RBL1: variants seen among roughly 807,000 people sequenced by gnomAD.
RBL1 encodes the protein RB transcriptional corepressor like 1.
RBL1 carries 82 observed loss-of-function variants against 123.0 expected under a neutral mutation model. The ratio of observed to expected loss-of-function variants is 0.67; its 90% CI spans 0.56 to 0.80. The LOEUF is 0.80. Among genes scored for constraint, RBL1 ranks in the 30% least tolerant of loss-of-function variants. The pLI is 0.00. For synonymous variants in RBL1, 405 were observed against 441.3 expected (o/e 0.92, Z 1.03); for missense variants, 1,171 against 1,299.6 (o/e 0.90, Z 1.52).
At chr20:37,007,601 TTA>T (rs771173537) in intron 19 of RBL1, 42 bp from the exon 20 acceptor site, 161 of 1,596,454 alleles carry the variant, frequency 1.0e-4, no homozygotes, top group Admixed American at 2.4e-4. Flanking sequence ...AGCATACTTT[TTA>T]TTTTTTTGAG....
Position 36,997,297 on chromosome 20 carries a change from C to T in RBL1, c.*1462G>A, listed in dbSNP as rs1475691969. 1.3e-5 allele frequency: 2 copies of T among 151,986 alleles called. No individual in the cohort carries two copies. The highest frequency in any genetic ancestry group is 2.9e-5 in the Non-Finnish European group (2 of 68,038). The allele number at this position is 151,986 out of a possible 1,614,324, so 9.4% of individuals were successfully genotyped here. A position where few individuals can be genotyped will look rare whatever the true frequency, so the allele number is the denominator to read the frequency against. Reference sequence around the variant, plus strand: ...AAAAAGCATCCCTAGTACTGAAAAACATCTTCAGGAGTACTCAGTACTCCC... The same window carrying T: ...AAAAAGCATCCCTAGTACTGAAAAATATCTTCAGGAGTACTCAGTACTCCC... On this transcript the variant is annotated 3_prime_UTR_variant, in exon 22 of 22. Transcript: ENST00000373664.
At chr20:37,022,884 TTA>T in intron 16 of RBL1, 58 bp from the exon 17 acceptor site, 3 of 1,378,948 alleles carry the variant, frequency 2.2e-6, no homozygotes, top group Non-Finnish European at 3.0e-6. Flanking sequence ...TCTCAAATTT[TTA>T]TGTCTTACCA....
At chr20:37,008,965 T>C (rs1178573962) in intron 19 of RBL1, among the ~76,000 whole-genome samples, 1 of 152,118 alleles carries the variant, frequency 6.6e-6, no homozygotes, top group Non-Finnish European at 1.5e-5. Flanking sequence ...AAAATAACTC[T>C]CATGTTCACT....
intron 16 of RBL1, among the ~76,000 whole-genome samples, chr20:37,028,038 A>C (rs1401510202): frequency 2.6e-5 from 4 of 152,164 alleles, no homozygotes; most frequent in Non-Finnish European, 2.9e-5. Flanking sequence ...TACAGGCATA[A>C]GCCACCATGC....
chr20:37,033,015 ATTC>A (rs2064539579), intron 15 of RBL1, 139 bp from the exon 16 acceptor site: 2 of 1,174,014 alleles, frequency 1.7e-6, no homozygotes, highest in Non-Finnish European at 2.2e-6. Flanking sequence ...TTATGACTGA[ATTC>A]TTTTTTTTTT....
At chr20:37,093,855 G>T (rs546607469) in intron 1 of RBL1, among the ~76,000 whole-genome samples, 7 of 152,080 alleles carry the variant, frequency 4.6e-5, no homozygotes, top group Admixed American at 1.3e-4. Context: ...TGGCCAGGCT[G>T]GTCTTGGACC....
chr20:37,067,310 A>G lies in RBL1; in HGVS notation c.492-13T>C, dbSNP rs776146445. On this transcript the variant is annotated splice_polypyrimidine_tract_variant and intron_variant, in intron 3 of 21. Transcript: ENST00000373664. ...GCAAGGAATCCTCCTAAAAAGGGAA[A>G]AAAATTACTTTTTGTCTGACTAGCT... The G allele has an allele frequency of 6.3e-7, 1 of 1,579,104 alleles. No homozygotes were observed. Among genetic ancestry groups the G allele is most frequent in the African/African-American group, 1.4e-5 (1 of 73,190 alleles).
intron 21 of RBL1, among the ~76,000 whole-genome samples, chr20:36,999,181 T>TC (rs1030526803): frequency 6.6e-6 from 1 of 151,874 alleles, no homozygotes; most frequent in Admixed American, 6.6e-5. Context: ...CCAAGATGGT[T>TC]CAATCACTTG....
chr20:37,007,845 C>A (rs541604062), intron 19 of RBL1, among the ~76,000 whole-genome samples: 66 of 152,176 alleles, frequency 4.3e-4, no homozygotes, highest in African/African-American at 1.5e-3. Context: ...CCAGCCTCAG[C>A]CTCTCAAAGT....
chr20:37,040,063 A>T (rs2064694623), intron 14 of RBL1, 90 bp downstream of exon 14: 2 of 1,551,086 alleles, frequency 1.3e-6, no homozygotes, highest in Non-Finnish European at 1.8e-6. Context: ...AGATTTCTTA[A>T]TAACATACTC....
Position 37,044,174 on chromosome 20 carries a change from T to G in RBL1, c.1682A>C (p.Gln561Pro). 6.2e-7 allele frequency: 1 copy of G among 1,613,906 alleles called. No individual in the cohort carries two copies. ...MVKHLNSIEEQILESLAWSHD... is the reference protein window; with the variant it reads ...MVKHLNSIEEPILESLAWSHD... ...ACTCCATGCTAAACTCTCCAAAATC[T>G]GTTCTTCAATGCTGTTTAGGTGTTT... Residue 561 changes from glutamine to proline, a missense_variant, in exon 13 of 22, where the codon CAG (glutamine) becomes CCG (proline). Coordinates refer to ENST00000373664, the MANE Select transcript of RBL1 (RefSeq NM_002895.5).
intron 11 of RBL1, chr20:37,049,126 C>G: frequency 4.7e-6 from 1 of 214,070 alleles, no homozygotes. Context: ...TCATTTGAAC[C>G]CGGGAGATGG....
chr20:37,086,839 C>T (rs550588634), intron 2 of RBL1, among the ~76,000 whole-genome samples: 22 of 152,284 alleles, frequency 1.4e-4, no homozygotes, highest in African/African-American at 5.1e-4. Context: ...AATTAATATA[C>T]AGTAGAGAAA....
intron 11 of RBL1, among the ~76,000 whole-genome samples, chr20:37,051,178 T>G (rs2064905623): frequency 8.9e-6 from 1 of 112,458 alleles, no homozygotes; most frequent in Admixed American, 1.1e-4. Context: ...CTCCCACAGA[T>G]CTTTTTTTCT....
rs562571568 is a variant in RBL1, at chr20:37,057,001, C to G, written c.1251-743G>C. ...CATATCTCTATTTCTTTCTATCTAT[C>G]TATCTACCTACCTACCTACCTACCT... On this transcript the variant is annotated intron_variant, in intron 9 of 21. Transcript: ENST00000373664. Among the ~76,000 whole-genome samples the G allele has an allele frequency of 4.1e-3, 576 of 139,690 alleles. 4 individuals are homozygous for G. Among genetic ancestry groups the G allele is most frequent in the African/African-American group, 0.015 (560 of 37,442 alleles). 91.6% of individuals were successfully genotyped at this position (139,690 alleles called of 152,430 possible).
At chr20:37,018,030 C>A (rs111256827) in intron 19 of RBL1, among the ~76,000 whole-genome samples, 2 of 152,136 alleles carry the variant, frequency 1.3e-5, no homozygotes, top group African/African-American at 2.4e-5. Flanking sequence ...GTCTCTTTTA[C>A]GTGTTTCATT....
chr20:37,065,288 T>C lies in RBL1; in HGVS notation c.896+136A>G, dbSNP rs1380112219. On this transcript the variant is annotated intron_variant, in intron 7 of 21. Coordinates refer to ENST00000373664, the MANE Select transcript of RBL1 (RefSeq NM_002895.5). The stretch of plus-strand genomic sequence containing the variant: ...CAACAAGTCTTAGTGATAATAAACA[T>C]TCAATGCCACTAAAGCAGAGAGAAC... 15 of 610,678 alleles carry C rather than the reference T, an allele frequency of 2.5e-5. No homozygotes were observed. In the Admixed American group the frequency reaches 3.1e-4, roughly 13 times the overall value. The allele number at this position is 610,678 out of a possible 1,614,324, so 37.8% of individuals were successfully genotyped here.
chr20:37,079,203 CAAA>C (rs760548490), intron 2 of RBL1, among the ~76,000 whole-genome samples: 1 of 60,034 alleles, frequency 1.7e-5, no homozygotes, highest in Non-Finnish European at 3.4e-5. Context: ...CTGTCTCAGC[CAAA>C]AAAAAAAAAA....
chr20:37,062,207 G>C lies in RBL1; in HGVS notation c.960C>G (p.Ile320Met), dbSNP rs1489149857. The C allele has an allele frequency of 6.2e-7, 1 of 1,614,156 alleles. No homozygotes were observed. The highest frequency in any genetic ancestry group is 1.1e-5 in the South Asian group (1 of 91,084). ...VLTVGDFDER[I>M]FLGADAEEEI... ...CCTCTTCTGCGTCTGCTCCCAAAAA[G>C]ATCCTCTCATCAAAATCACCAACAG... The change falls in exon 8 of 22, where the codon ATC becomes ATG. Residue 320 changes from isoleucine to methionine, a missense_variant. Physicochemically the swap from Ile to Met is conservative, Grantham distance 10 (BLOSUM62 1). Transcript: ENST00000373664.
Sources: allele counts gnomAD v4.1 joint callset (sites outside exome capture counted in the v4.1 genomes callset), GRCh38; gene constraint gnomAD v4.1.1; transcripts MANE v1.5; gene names NCBI Gene and HGNC (gene_info 2026-07-23, HGNC 2026-07-21).